The following PLXDC2 variants were observed in gnomAD, a reference collection of about 807,000 sequenced individuals.
PLXDC2 encodes the protein plexin domain containing 2, also known as plexin domain-containing protein 2.
Under a neutral mutation model 68.9 loss-of-function variants are expected in PLXDC2, and 40 were observed. That is an observed-to-expected ratio of 0.58 (90% CI 0.45 to 0.76). The LOEUF (loss-of-function observed/expected upper bound fraction) is 0.76. PLXDC2 is among the 30% of genes least tolerant of loss of function. The pLI is 0.00. For missense variants in PLXDC2, 644 were observed against 661.9 expected, an observed-to-expected ratio of 0.97 and a Z score of 0.30; for synonymous variants, 243 against 234.2, an observed-to-expected ratio of 1.04 and a Z score of -0.34.
rs1385513751 is a variant in PLXDC2, at chr10:20,282,225, G to C, written c.*2406G>C. The C allele has an allele frequency of 6.6e-6, 1 of 152,130 alleles. No individual in the cohort carries two copies. 9.4% of individuals were successfully genotyped at this position (152,130 alleles called of 1,614,324 possible). On this transcript the variant is annotated 3_prime_UTR_variant, in exon 14 of 14. Transcript: ENST00000377252. ...TTAAAGGTAGTGAGAAGTGTGTGGT[G>C]TGTGAATTCTTTAGTGGTAAGGGGA... is the stretch of plus-strand genomic sequence containing the variant.
intron 1 of PLXDC2, among the ~76,000 whole-genome samples, chr10:19,883,221 C>A (rs925287358): frequency 3.3e-5 from 5 of 152,098 alleles, no homozygotes; most frequent in African/African-American, 1.2e-4. Flanking sequence ...CTTGGCCTCC[C>A]AAAGTGCTGG....
intron 10 of PLXDC2, among the ~76,000 whole-genome samples, chr10:20,216,674 C>A (rs868686524): frequency 6.6e-6 from 1 of 152,078 alleles, no homozygotes; most frequent in Non-Finnish European, 1.5e-5. Context: ...GAGTCCACTG[C>A]GGCACAAAAG....
intron 4 of PLXDC2, among the ~76,000 whole-genome samples, chr10:20,100,563 C>G (rs1437394639): frequency 1.3e-5 from 2 of 152,086 alleles, no homozygotes; most frequent in Non-Finnish European, 2.9e-5. Context: ...GACTATAATA[C>G]GGTTGCTCTG....
chr10:20,032,911 A>T (rs1835523524), intron 2 of PLXDC2, among the ~76,000 whole-genome samples: 1 of 151,512 alleles, frequency 6.6e-6, no homozygotes, highest in African/African-American at 2.4e-5. Context: ...TAAATACGTG[A>T]TTAATCATTT....
chr10:19,891,407 C>CT (rs1837960620), intron 1 of PLXDC2, among the ~76,000 whole-genome samples: 2 of 111,976 alleles, frequency 1.8e-5, no homozygotes, highest in Non-Finnish European at 4.6e-5. Flanking sequence ...CTATTTTCTC[C>CT]CTTTTTTCTT....
chr10:19,867,628 T>C (rs1837446296), intron 1 of PLXDC2, among the ~76,000 whole-genome samples: 1 of 152,190 alleles, frequency 6.6e-6, no homozygotes, highest in African/African-American at 2.4e-5. Flanking sequence ...CAATTTTTCC[T>C]TTATTTCCAT....
intron 1 of PLXDC2, among the ~76,000 whole-genome samples, chr10:19,938,391 G>A (rs1485194034): frequency 1.3e-5 from 2 of 152,126 alleles, no homozygotes; most frequent in Admixed American, 6.6e-5. Flanking sequence ...GGTTCTCCAC[G>A]CTGTACAGGA....
chr10:20,269,473 G>C (rs1835909174), intron 13 of PLXDC2, among the ~76,000 whole-genome samples: 1 of 152,146 alleles, frequency 6.6e-6, no homozygotes, highest in South Asian at 2.1e-4. Flanking sequence ...GGTTTTGAAA[G>C]GGTGCTATGT....
intron 4 of PLXDC2, among the ~76,000 whole-genome samples, chr10:20,122,883 C>A (rs532376898): frequency 6.6e-6 from 1 of 152,104 alleles, no homozygotes; most frequent in Non-Finnish European, 1.5e-5. Flanking sequence ...GAGAATAAGA[C>A]GGCCTTTTGA....
intron 12 of PLXDC2, among the ~76,000 whole-genome samples, chr10:20,230,563 A>G (rs924120735): frequency 2.0e-5 from 3 of 151,418 alleles, no homozygotes; most frequent in Non-Finnish European, 1.5e-5. Context: ...TCCCAGCTAC[A>G]TGGGAGGCTG....
At chr10:19,834,151 A>G (rs1405513303) in intron 1 of PLXDC2, among the ~76,000 whole-genome samples, 2 of 152,148 alleles carry the variant, frequency 1.3e-5, no homozygotes, top group African/African-American at 2.4e-5. Context: ...ATCTTGGAAA[A>G]TGTGAAATAT....
intron 1 of PLXDC2, among the ~76,000 whole-genome samples, chr10:19,839,415 G>A (rs1037184019): frequency 5.3e-5 from 8 of 152,044 alleles, no homozygotes; most frequent in Non-Finnish European, 7.4e-5. Flanking sequence ...TGAGCTTTAC[G>A]TGTGTCCCAG....
Position 19,897,461 on chromosome 10 carries a change from T to C in PLXDC2, c.112+80270T>C, listed in dbSNP as rs540617403. 1.5e-3 allele frequency among the ~76,000 whole-genome samples: 225 copies of C among 152,092 alleles called. 1 individual carries two copies. Among genetic ancestry groups the C allele is most frequent in the African/African-American group, 4.5e-3 (187 of 41,502 alleles). On this transcript the variant is annotated intron_variant, in intron 1 of 13. Transcript: ENST00000377252. ...GGTTTCTCCACGTTAGTCAGGCTGG[T>C]CTCGAACTCCCAACCTCAGGTGATC...
chr10:19,933,318 G>T (rs950989704), intron 1 of PLXDC2, among the ~76,000 whole-genome samples: 4 of 151,972 alleles, frequency 2.6e-5, no homozygotes, highest in African/African-American at 7.3e-5. Context: ...TTTATTTTAG[G>T]TCTACCCAAA....
At chr10:19,857,280 G>A (rs1837232011) in intron 1 of PLXDC2, among the ~76,000 whole-genome samples, 1 of 152,110 alleles carries the variant, frequency 6.6e-6, no homozygotes, top group Admixed American at 6.6e-5. Context: ...TTCAATGACA[G>A]GAGAAAACCA....
intron 1 of PLXDC2, among the ~76,000 whole-genome samples, chr10:19,910,591 C>CTTT (rs1006322581): frequency 8.1e-4 from 75 of 92,482 alleles, no homozygotes; most frequent in East Asian, 9.3e-4. Flanking sequence ...TAAGTGGTTG[C>CTTT]TTTTTTTTTT....
chr10:20,178,741 C>G (rs1242647450), intron 9 of PLXDC2, among the ~76,000 whole-genome samples: 1 of 152,104 alleles, frequency 6.6e-6, no homozygotes, highest in Non-Finnish European at 1.5e-5. Flanking sequence ...AACTCACTAA[C>G]CTTAGAGCAA....
intron 12 of PLXDC2, among the ~76,000 whole-genome samples, chr10:20,225,937 G>C (rs746574324): frequency 6.6e-6 from 1 of 152,174 alleles, no homozygotes; most frequent in Non-Finnish European, 1.5e-5. Flanking sequence ...TGCATATGCT[G>C]ATATGGTAGT....
At chr10:19,970,307 C>A (rs1025728156) in intron 1 of PLXDC2, among the ~76,000 whole-genome samples, 2 of 152,190 alleles carry the variant, frequency 1.3e-5, no homozygotes, top group African/African-American at 4.8e-5. Flanking sequence ...GCATCAACTG[C>A]CTCATCATCA....
Sources: allele counts gnomAD v4.1 joint callset (sites outside exome capture counted in the v4.1 genomes callset), GRCh38; gene constraint gnomAD v4.1.1; transcripts MANE v1.5; gene names NCBI Gene and HGNC (gene_info 2026-07-23, HGNC 2026-07-21).